BRD7: variants seen among roughly 807,000 people sequenced by gnomAD.
BRD7 encodes the protein bromodomain containing 7, also known as bromodomain-containing protein 7.
A neutral mutation model predicts 82.1 loss-of-function variants in BRD7; 15 were observed. The ratio of observed to expected loss-of-function variants is 0.18; its 90% CI spans 0.12 to 0.28. The LOEUF is 0.28. BRD7 is among the 10% of genes least tolerant of loss of function. The probability of loss-of-function intolerance (pLI) is 1.00; values close to 1 mark genes in which losing one functional copy is unlikely to be tolerated. For missense variants in BRD7, 638 were observed against 779.9 expected, an observed-to-expected ratio of 0.82 and a Z score of 2.17; for synonymous variants, 232 against 266.9, an observed-to-expected ratio of 0.87 and a Z score of 1.27.
intron 2 of BRD7, among the ~76,000 whole-genome samples, chr16:50,357,903 C>A (rs1244904483): frequency 6.6e-6 from 1 of 152,150 alleles, no homozygotes; most frequent in Non-Finnish European, 1.5e-5. Context: ...ATCGCTTGAA[C>A]CCGTAGGTAG....
At chr16:50,354,319 TCAC>T in intron 4 of BRD7, 103 bp downstream of exon 4, 1 of 915,070 alleles carries the variant, frequency 1.1e-6, no homozygotes. Flanking sequence ...TATTTATCAT[TCAC>T]TTTAAAATCA....
At chr16:50,329,348 A>T (rs1024673438) in intron 8 of BRD7, among the ~76,000 whole-genome samples, 5 of 152,204 alleles carry the variant, frequency 3.3e-5, no homozygotes, top group Non-Finnish European at 5.9e-5. Flanking sequence ...AAAGGCATGT[A>T]TACACCTACT....
chr16:50,359,057 T>C (rs1028594075), intron 2 of BRD7, among the ~76,000 whole-genome samples: 1 of 152,242 alleles, frequency 6.6e-6, no homozygotes, highest in Non-Finnish European at 1.5e-5. Context: ...TGTTGCAGAA[T>C]CTTGTTGTGA....
At chr16:50,336,861 T>A (rs568527935) in intron 6 of BRD7, among the ~76,000 whole-genome samples, 113 of 152,354 alleles carry the variant, frequency 7.4e-4, no homozygotes, top group African/African-American at 2.6e-3. Context: ...GAAAGCAATG[T>A]CTTTTTCTTT....
intron 4 of BRD7, among the ~76,000 whole-genome samples, chr16:50,353,543 G>T (rs1209296484): frequency 1.3e-5 from 2 of 151,962 alleles, no homozygotes; most frequent in Non-Finnish European, 2.9e-5. Flanking sequence ...TCTTTGAGCT[G>T]AAAATTTAAA....
chr16:50,347,510 C>T (rs2151183014), intron 5 of BRD7, among the ~76,000 whole-genome samples: 1 of 152,182 alleles, frequency 6.6e-6, no homozygotes, highest in Non-Finnish European at 1.5e-5. Context: ...TTTAGAAAAC[C>T]CCATCGTCTC....
At chr16:50,320,577 G>A in intron 14 of BRD7, 86 bp downstream of exon 14, 1 of 1,370,624 alleles carries the variant, frequency 7.3e-7, no homozygotes, top group South Asian at 1.2e-5. Flanking sequence ...GTGGTGAATG[G>A]CTATGTTAAT....
At chr16:50,347,361 G>A (rs1327426956) in intron 5 of BRD7, among the ~76,000 whole-genome samples, 1 of 152,198 alleles carries the variant, frequency 6.6e-6, no homozygotes, top group Non-Finnish European at 1.5e-5. Flanking sequence ...AGACAGGGAT[G>A]ACCTCTCTCA....
chr16:50,345,175 A>G (rs892065550), intron 5 of BRD7, among the ~76,000 whole-genome samples: 5 of 152,242 alleles, frequency 3.3e-5, no homozygotes, highest in African/African-American at 2.4e-5. Context: ...ACTAAGCTTC[A>G]TAAGTGAAGG....
At chr16:50,341,876 C>T (rs745723632) in intron 5 of BRD7, among the ~76,000 whole-genome samples, 27 of 150,384 alleles carry the variant, frequency 1.8e-4, no homozygotes, top group Non-Finnish European at 3.4e-4. Context: ...CTTTACTGAA[C>T]TGTGGGTGAT....
chr16:50,320,894 G>T, intron 13 of BRD7, 120 bp from the exon 14 acceptor site: 1 of 700,698 alleles, frequency 1.4e-6, no homozygotes. Flanking sequence ...TTACTATGGA[G>T]TCCTAATTTT....
At chr16:50,357,992 A>T (rs1201828693) in intron 2 of BRD7, among the ~76,000 whole-genome samples, 2 of 152,042 alleles carry the variant, frequency 1.3e-5, no homozygotes, top group East Asian at 3.9e-4. Context: ...AAACAAAACA[A>T]ATCAAAACAA....
chr16:50,335,302 G>C (rs2037751896), intron 6 of BRD7, among the ~76,000 whole-genome samples: 1 of 152,230 alleles, frequency 6.6e-6, no homozygotes, highest in Non-Finnish European at 1.5e-5. Context: ...GGGCATGTGA[G>C]CGTGTGAAGT....
intron 5 of BRD7, among the ~76,000 whole-genome samples, chr16:50,342,645 T>C (rs1025187272): frequency 6.6e-6 from 1 of 151,954 alleles, no homozygotes; most frequent in Non-Finnish European, 1.5e-5. Flanking sequence ...ATGGTCTTGA[T>C]CTCCTGACCT....
In BRD7 at chr16:50,319,083, A is replaced by G; in HGVS notation, c.*128T>C. The G allele has an allele frequency of 1.1e-6, 1 of 919,712 alleles. No homozygotes were observed. Among genetic ancestry groups the G allele is most frequent in the Admixed American group, 2.7e-5 (1 of 36,760 alleles). 57.0% of individuals were successfully genotyped at this position (919,712 alleles called of 1,614,324 possible). The stretch of plus-strand genomic sequence containing the variant: ...CTAATACAAGTCCAACCTCTGGAAC[A>G]TCCAAATTCGCTGTTCCAAAGTTTA... On this transcript the variant is annotated 3_prime_UTR_variant, in exon 17 of 17. Coordinates refer to ENST00000394688, the MANE Select transcript of BRD7 (RefSeq NM_013263.5).
chr16:50,364,662 G>T (rs868726420), intron 2 of BRD7, among the ~76,000 whole-genome samples: 10 of 152,274 alleles, frequency 6.6e-5, no homozygotes, highest in African/African-American at 1.7e-4. Flanking sequence ...TGGAACACAG[G>T]GGGGAGAACA....
At chr16:50,365,889 A>C (rs2039124250) in intron 2 of BRD7, among the ~76,000 whole-genome samples, 1 of 152,154 alleles carries the variant, frequency 6.6e-6, no homozygotes, top group Non-Finnish European at 1.5e-5. Flanking sequence ...AAATGGAGGG[A>C]AAGAAATGAA....
chr16:50,368,427 T>C (rs1310279263), intron 1 of BRD7, 129 bp from the exon 2 acceptor site: 3 of 1,038,906 alleles, frequency 2.9e-6, no homozygotes, highest in East Asian at 5.2e-5. Context: ...GCGAAGCACC[T>C]GTTGAATGAC....
intron 8 of BRD7, among the ~76,000 whole-genome samples, chr16:50,330,571 C>G (rs1384386282): frequency 6.6e-6 from 1 of 152,054 alleles, no homozygotes; most frequent in African/African-American, 2.4e-5. Flanking sequence ...AAAGTGAAAA[C>G]TGGCAAATGA....
Sources: gnomAD v4.1 joint callset for allele counts (sites outside exome capture counted in the v4.1 genomes callset) on GRCh38, gnomAD v4.1.1 for gene constraint, MANE v1.5 for transcripts, NCBI Gene and HGNC (gene_info 2026-07-23, HGNC 2026-07-21) for gene names.